FMR1: variants seen among roughly 807,000 people sequenced by gnomAD.
FMR1 encodes the protein FMRP translational regulator 1.
Under a neutral mutation model 50.6 loss-of-function variants are expected in FMR1, and 13 were observed. That is an observed-to-expected ratio of 0.26 (90% CI 0.17 to 0.41). The LOEUF is 0.41. Ranked by LOEUF, FMR1 falls within the 10% of genes least tolerant of loss-of-function variation. FMR1 has a pLI of 1.00. For synonymous variants in FMR1, 138 were observed against 164.1 expected (o/e 0.84, Z 1.22); for missense variants, 316 against 491.3 (o/e 0.64, Z 3.37).
intron 2 of FMR1, among the ~76,000 whole-genome samples, 198 bp downstream of exon 2, chrX:147,922,183 C>G (rs1206478529): frequency 8.9e-6 from 1 of 111,865 alleles, no homozygotes; most frequent in African/African-American, 3.2e-5. Flanking sequence ...CTGGAGGTCC[C>G]TTATTGTATG....
chrX:147,913,294 A>G (rs2042684733), intron 1 of FMR1: 2 of 112,303 alleles, frequency 1.8e-5, no homozygotes. Context: ...TAAAAGGAAG[A>G]TTTACAAATT....
chrX:147,932,880 A>G (rs2124522215), intron 9 of FMR1, 117 bp downstream of exon 9: 10 of 507,454 alleles, frequency 2.0e-5, no homozygotes, highest in Middle Eastern at 5.8e-4. Context: ...ATTGAAACAT[A>G]GTCTTTGAAA....
intron 14 of FMR1, chrX:147,944,101 G>A: frequency 1.4e-6 from 1 of 733,283 alleles, no homozygotes; most frequent in Non-Finnish European, 1.6e-6. Context: ...GTTGGGGAGA[G>A]TTACCTACTC....
chrX:147,931,694 C>T (rs1258363044), intron 7 of FMR1, among the ~76,000 whole-genome samples: 2 of 112,032 alleles, frequency 1.8e-5, no homozygotes, highest in African/African-American at 6.5e-5. Flanking sequence ...GTCAGTGTAA[C>T]TTAGTTTCGT....
rs1327127886 is a variant in FMR1 at position 147,911,936 on chromosome X, C to T, written c.-244C>T. 9.0e-6 allele frequency: 1 copy of T among 111,186 alleles called. No individual in the cohort carries two copies. The highest frequency in any genetic ancestry group is 1.9e-5 in the Non-Finnish European group (1 of 52,552). 9.2% of individuals were successfully genotyped at this position (111,186 alleles called of 1,213,427 possible). A position where few individuals can be genotyped will look rare whatever the true frequency, so the allele number is the denominator to read the frequency against. On this transcript the variant is annotated 5_prime_UTR_variant, in exon 1 of 17. Coordinates refer to ENST00000370475, the MANE Select transcript of FMR1 (RefSeq NM_002024.6). Reference sequence around the variant, plus strand: ...GGTTCGGCCTCAGTCAGGCGCTCAGCTCCGTTTCGGTTTCACTTCCGGTGG... The same window carrying T: ...GGTTCGGCCTCAGTCAGGCGCTCAGTTCCGTTTCGGTTTCACTTCCGGTGG...
At position 147,950,126 on chromosome X, in the gene FMR1, A is replaced by G. The variant is rs1557183286; in HGVS notation, c.*1282A>G. 3.1e-6 allele frequency: 1 copy of G among 324,986 alleles called. No individual in the cohort carries two copies. The highest frequency in any genetic ancestry group is 5.9e-6 in the Non-Finnish European group (1 of 168,772). 26.8% of individuals were successfully genotyped at this position (324,986 alleles called of 1,213,427 possible). A position where few individuals can be genotyped will look rare whatever the true frequency, so the allele number is the denominator to read the frequency against. On this transcript the variant is annotated 3_prime_UTR_variant, in exon 17 of 17. Coordinates refer to ENST00000370475, the MANE Select transcript of FMR1 (RefSeq NM_002024.6). ...TTTATTGAGGAAAAATATGTGAAGG[A>G]CCTTCACTCTAAGATGTTATATTTT...
chrX:147,937,500 A>G lies in FMR1; in HGVS notation c.1025A>G (p.Asn342Ser). 8.3e-7 allele frequency: 1 copy of G among 1,206,172 alleles called. No homozygotes were observed. The highest frequency in any genetic ancestry group is 3.0e-5 in the East Asian group (1 of 33,737). Residue 342 changes from asparagine to serine, a missense_variant, in exon 11 of 17, where the codon AAT (asparagine) becomes AGT (serine). Coordinates refer to ENST00000370475, the MANE Select transcript of FMR1 (RefSeq NM_002024.6). ...CCACCAAATTCCCTTCCTTCCAATAATTCAAGGGTTGGACCTAATGCCCCA... is the reference window on the plus strand; with the variant it reads ...CCACCAAATTCCCTTCCTTCCAATAGTTCAAGGGTTGGACCTAATGCCCCA... ...IMPPNSLPSN[N>S]SRVGPNAPEE...
rs1557183492 is a variant in FMR1 at position 147,950,665 on chromosome X, G to C, written c.*1821G>C. 3.1e-6 allele frequency: 1 copy of C among 324,969 alleles called. No homozygotes were observed. Among genetic ancestry groups the C allele is most frequent in the Non-Finnish European group, 5.9e-6 (1 of 168,502 alleles). 26.8% of individuals were successfully genotyped at this position (324,969 alleles called of 1,213,427 possible). A position where few individuals can be genotyped will look rare whatever the true frequency, so the allele number is the denominator to read the frequency against. ...TGATGTTGATGCAATCCTTACAAAT[G>C]ATTGCTTTTAAAATTTTAAGCTAGG... On this transcript the variant is annotated 3_prime_UTR_variant, in exon 17 of 17. Transcript: ENST00000370475.
rs2043457777 is a variant in FMR1 at position 147,928,224 on chromosome X, C to A, written c.199-98C>A. The A allele has an allele frequency of 2.4e-5, 18 of 759,218 alleles. No individual in the cohort carries two copies. The South Asian group carries it at 3.5e-4, about 15-fold the overall frequency. The allele number at this position is 759,218 out of a possible 1,213,427, so 62.6% of individuals were successfully genotyped here. The stretch of plus-strand genomic sequence containing the variant: ...TATGACATGTGGTTTTTAAAGACAC[C>A]TAGGGGCATTTTAAGAAAATTTCCT... On this transcript the variant is annotated intron_variant, in intron 3 of 16. Transcript: ENST00000370475.
intron 1 of FMR1, among the ~76,000 whole-genome samples, chrX:147,918,886 T>A (rs2043021540): frequency 9.0e-6 from 1 of 110,811 alleles, no homozygotes; most frequent in Admixed American, 9.6e-5. Context: ...TAATTTTATT[T>A]AATTTTAATG....
intron 9 of FMR1, among the ~76,000 whole-genome samples, chrX:147,935,671 A>T (rs1392593314): frequency 1.8e-5 from 2 of 112,136 alleles, no homozygotes; most frequent in Admixed American, 1.9e-4. Context: ...TTTTCCAGTA[A>T]TGTATATGAT....
At chrX:147,939,461 T>A (rs1267349244) in intron 12 of FMR1, among the ~76,000 whole-genome samples, 1 of 112,056 alleles carries the variant, frequency 8.9e-6, no homozygotes, top group Non-Finnish European at 1.9e-5. Flanking sequence ...AATGTACCTA[T>A]TTTTTTGTCT....
intron 1 of FMR1, among the ~76,000 whole-genome samples, chrX:147,920,690 AGTGGG>A (rs2043118775): frequency 8.9e-6 from 1 of 111,958 alleles, no homozygotes; most frequent in Non-Finnish European, 1.9e-5. Flanking sequence ...ATAATAATAG[AGTGGG>A]GTAAGTTTAT....
At chrX:147,945,375 G>A (rs1557181743) in intron 15 of FMR1, among the ~76,000 whole-genome samples, 159 bp from the exon 16 acceptor site, 3 of 112,657 alleles carry the variant, frequency 2.7e-5, no homozygotes, top group Admixed American at 1.9e-4. Context: ...TTACTTAGCA[G>A]CAGGCTAGAT....
intron 16 of FMR1, chrX:147,948,473 G>A: frequency 9.5e-7 from 1 of 1,049,147 alleles, no homozygotes; most frequent in Non-Finnish European, 1.2e-6. Context: ...GATGACCAGT[G>A]TGTTCCAGTT....
intron 1 of FMR1, among the ~76,000 whole-genome samples, chrX:147,920,642 C>T (rs1203919433): frequency 1.8e-5 from 2 of 111,809 alleles, no homozygotes; most frequent in Admixed American, 1.9e-4. Context: ...AACCTGACAC[C>T]ACCCTCAGAA....
At position 147,912,081 on chromosome X, in the gene FMR1, A is replaced by AGGCGGCGGCGGAGGC. The variant is rs1931646597; in HGVS notation, c.-88_-87insAGGCGGCGGCGGCGG. 1 of 273,266 alleles carries AGGCGGCGGCGGAGGC rather than the reference A, an allele frequency of 3.7e-6. No individual in the cohort carries two copies. Among genetic ancestry groups the AGGCGGCGGCGGAGGC allele is most frequent in the African/African-American group, 4.3e-5 (1 of 23,045 alleles). 22.5% of individuals were successfully genotyped at this position (273,266 alleles called of 1,213,427 possible). On this transcript the variant is annotated 5_prime_UTR_variant, in exon 1 of 17. Coordinates refer to ENST00000370475, the MANE Select transcript of FMR1 (RefSeq NM_002024.6). ...GCGGCGGCGGCGGCGGCGGCGGCGG[A>AGGCGGCGGCGGAGGC]GGCGGCGGCGGCGGCGGCGGCGGCG... is the stretch of plus-strand genomic sequence containing the variant.
intron 12 of FMR1, among the ~76,000 whole-genome samples, chrX:147,939,066 T>C (rs2043888847): frequency 8.9e-6 from 1 of 112,131 alleles, no homozygotes; most frequent in Non-Finnish European, 1.9e-5. Flanking sequence ...ATTTTGGTGA[T>C]ATTTGACCCA....
chrX:147,918,319 A>G (rs1557175675), intron 1 of FMR1, among the ~76,000 whole-genome samples: 1 of 111,792 alleles, frequency 8.9e-6, no homozygotes, highest in Non-Finnish European at 1.9e-5. Context: ...ACCAAACGTA[A>G]CCTATGAGTT....
Sources: gnomAD v4.1 joint callset for allele counts (sites outside exome capture counted in the v4.1 genomes callset) on GRCh38, gnomAD v4.1.1 for gene constraint, MANE v1.5 for transcripts, NCBI Gene and HGNC (gene_info 2026-07-23, HGNC 2026-07-21) for gene names.